Variants in TENM2 observed in about 807,000 individuals in gnomAD.
TENM2 encodes the protein teneurin-2.
TENM2 carries 52 observed loss-of-function variants against 245.2 expected under a neutral mutation model. The observed-to-expected ratio is 0.21, with a 90% CI of 0.17 to 0.27. The LOEUF (loss-of-function observed/expected upper bound fraction) is 0.27. Among genes scored for constraint, TENM2 ranks in the 10% least tolerant of loss-of-function variants. The pLI is 1.00. For missense variants in TENM2, 3,046 were observed against 3,666.8 expected (o/e 0.83, Z 4.37); for synonymous variants, 1,363 against 1,438.9 (o/e 0.95, Z 1.19).
At chr5:167,274,733 T>G in the TENM2 span, among the ~76,000 whole-genome samples, 2 of 152,006 alleles carry the variant, frequency 1.3e-5, no homozygotes, top group East Asian at 1.9e-4. Context: ...CATTGTGGAA[T>G]TATCTATATT....
the TENM2 span, among the ~76,000 whole-genome samples, chr5:167,032,018 G>A: frequency 1.3e-5 from 2 of 152,168 alleles, no homozygotes; most frequent in East Asian, 3.9e-4. Context: ...CATGACTGCT[G>A]GATTAAAACA....
chr5:167,583,128 T>C (rs1775211822), intron 2 of TENM2, among the ~76,000 whole-genome samples: 1 of 152,184 alleles, frequency 6.6e-6, no homozygotes, highest in African/African-American at 2.4e-5. Context: ...CCGTGACTCT[T>C]ACACACCATT....
chr5:167,352,381 A>T (rs1351945591), intron 1 of TENM2, among the ~76,000 whole-genome samples: 1 of 152,188 alleles, frequency 6.6e-6, no homozygotes, highest in Non-Finnish European at 1.5e-5. Context: ...CCTTGTTGAA[A>T]TTTTTATCTT....
the TENM2 span, among the ~76,000 whole-genome samples, chr5:167,202,648 A>G: frequency 6.6e-6 from 1 of 152,130 alleles, no homozygotes; most frequent in Non-Finnish European, 1.5e-5. Context: ...TAATGACTCC[A>G]TCATCCTCCC....
intron 2 of TENM2, among the ~76,000 whole-genome samples, chr5:167,644,710 T>G (rs562587213): frequency 6.6e-6 from 1 of 152,302 alleles, no homozygotes; most frequent in South Asian, 2.1e-4. Context: ...GAGCCAGGAC[T>G]TAAGTCTAGC....
At chr5:167,132,053 C>G in the TENM2 span, among the ~76,000 whole-genome samples, 1 of 152,054 alleles carries the variant, frequency 6.6e-6, no homozygotes, top group Non-Finnish European at 1.5e-5. Context: ...CAACTCCTGA[C>G]CTTGTGATCC....
At position 167,452,042 on chromosome 5, in the gene TENM2, A is replaced by G. The variant is rs539234082; in HGVS notation, c.502+76569A>G. Among the ~76,000 whole-genome samples, 21 of 152,304 alleles carry G rather than the reference A, an allele frequency of 1.4e-4. No individual in the cohort carries two copies. In the East Asian group the frequency reaches 4.0e-3, roughly 29 times the overall value. ...AGTTTTCTATAACTTAAAAAGAACT[A>G]TATCAGAGCATAAAACATTGCCTAC... is the stretch of plus-strand genomic sequence containing the variant. On this transcript the variant is annotated intron_variant, in intron 2 of 28. Coordinates refer to ENST00000518659, the Ensembl canonical transcript of TENM2.
Position 167,952,589 on chromosome 5 carries a change from C to A in TENM2, c.714C>A (p.Gly238=), listed in dbSNP as rs763411962. 4 of 1,602,166 alleles carry A rather than the reference C, an allele frequency of 2.5e-6. No homozygotes were observed. In the African/African-American group the frequency reaches 5.4e-5, roughly 22 times the overall value. Residue 238 remains glycine (G), a splice_region_variant and synonymous_variant, in exon 4 of 29, where the codon GGC becomes GGA. Transcript: ENST00000518659. ...AGTCATTTCTCCTTTTTTTTTCAGG[C>A]CCTCCGAACCACCACAGCCAGTCGA...
intron 2 of TENM2, among the ~76,000 whole-genome samples, chr5:167,512,113 T>A (rs1769999097): frequency 6.6e-6 from 1 of 152,182 alleles, no homozygotes; most frequent in Admixed American, 6.5e-5. Flanking sequence ...TGAATATCAA[T>A]AAGATTTGAC....
chr5:167,586,729 T>C (rs1485230733), intron 2 of TENM2, among the ~76,000 whole-genome samples: 1 of 152,210 alleles, frequency 6.6e-6, no homozygotes, highest in East Asian at 1.9e-4. Context: ...AGTAGAGAAT[T>C]ATAACCACCT....
At chr5:167,431,970 T>TATATACACAC (rs1554150946) in intron 2 of TENM2, among the ~76,000 whole-genome samples, 2 of 135,528 alleles carry the variant, frequency 1.5e-5, no homozygotes, top group African/African-American at 5.7e-5. Flanking sequence ...TGTATATATA[T>TATATACACAC]ATATATATGG....
At chr5:167,967,765 A>G (rs1781486982) in intron 4 of TENM2, among the ~76,000 whole-genome samples, 1 of 152,228 alleles carries the variant, frequency 6.6e-6, no homozygotes, top group African/African-American at 2.4e-5. Flanking sequence ...TCTGGGGTTA[A>G]GTTCACAGTT....
chr5:167,460,377 T>C (rs904941519), intron 2 of TENM2, among the ~76,000 whole-genome samples: 3 of 152,220 alleles, frequency 2.0e-5, no homozygotes, highest in Admixed American at 6.5e-5. Context: ...TCTCCCACTA[T>C]TTTTCCAGCT....
chr5:167,945,866 G>A (rs557644294), intron 3 of TENM2, among the ~76,000 whole-genome samples: 1 of 152,284 alleles, frequency 6.6e-6, no homozygotes, highest in South Asian at 2.1e-4. Context: ...CAGAGGCACT[G>A]GCTAGAGCTG....
intron 2 of TENM2, among the ~76,000 whole-genome samples, chr5:167,535,728 C>CCAGT (rs1276914337): frequency 1.3e-5 from 2 of 152,164 alleles, no homozygotes; most frequent in Non-Finnish European, 2.9e-5. Context: ...ACTGAACTTG[C>CCAGT]CAGTATCTTG....
At chr5:168,238,258 A>AGAAAAGAAAAGAAAGGAAAG (rs1562321159) in intron 25 of TENM2, among the ~76,000 whole-genome samples, 1 of 145,604 alleles carries the variant, frequency 6.9e-6, no homozygotes, top group African/African-American at 2.7e-5. Flanking sequence ...AGAAAAGAAA[A>AGAAAAGAAAAGAAAGGAAAG]GAAAAGAAAA....
At chr5:167,051,350 A>G in the TENM2 span, among the ~76,000 whole-genome samples, 1 of 152,274 alleles carries the variant, frequency 6.6e-6, no homozygotes, top group Admixed American at 6.5e-5. Context: ...CTCTAAGAGA[A>G]CAGCCAACAC....
intron 2 of TENM2, among the ~76,000 whole-genome samples, chr5:167,414,240 G>A (rs1763051999): frequency 6.6e-6 from 1 of 152,054 alleles, no homozygotes; most frequent in Non-Finnish European, 1.5e-5. Context: ...CAATTACATG[G>A]AATTTTAAGG....
intron 2 of TENM2, among the ~76,000 whole-genome samples, chr5:167,465,669 A>G (rs2127499639): frequency 6.6e-6 from 1 of 152,218 alleles, no homozygotes; most frequent in Admixed American, 6.5e-5. Context: ...GTCTACTAAT[A>G]ATACAAAAAA....
Sources: allele counts gnomAD v4.1 joint callset (sites outside exome capture counted in the v4.1 genomes callset), GRCh38; gene constraint gnomAD v4.1.1; transcripts MANE v1.5; gene names NCBI Gene and HGNC (gene_info 2026-07-23, HGNC 2026-07-21).